MCM7: variants seen among roughly 807,000 people sequenced by gnomAD.
MCM7 encodes minichromosome maintenance complex component 7, also known as DNA replication licensing factor MCM7.
In MCM7, 95 loss-of-function variants were observed where a neutral mutation model predicts 83.5. The observed-to-expected ratio is 1.14, with a 90% CI of 0.96 to 1.35. The LOEUF is 1.35. Among genes scored for constraint, MCM7 ranks in the 40% most tolerant of loss-of-function variants. The pLI, the probability that MCM7 is intolerant of heterozygous loss-of-function variation, is 0.00. For synonymous variants in MCM7, 461 were observed against 352.7 expected (o/e 1.31, Z -3.44); for missense variants, 1,087 against 957.4 (o/e 1.14, Z -1.79).
intron 10 of MCM7, among the ~76,000 whole-genome samples, chr7:100,096,710 G>A (rs1339135703): frequency 1.3e-5 from 2 of 152,086 alleles, no homozygotes; most frequent in Non-Finnish European, 2.9e-5. Context: ...GGGAGGCAGA[G>A]GTTGCAGTGA....
intron 6 of MCM7, 131 bp from the exon 7 acceptor site, chr7:100,098,421 T>A: frequency 6.8e-7 from 1 of 1,478,812 alleles, no homozygotes; most frequent in Non-Finnish European, 9.2e-7. Flanking sequence ...TGCTGAGACC[T>A]CCTTTCCCCT....
In MCM7 at chr7:100,095,853, G is replaced by T. The variant is rs773516303; in HGVS notation, c.1516C>A (p.Gln506Lys). ...CGGGAGAGCAGTGCAGCAGGTAGCT[G>T]TATGTTCTGCTCCAGGCTGCGGCGA... ...NPRRSLEQNI[Q>K]LPAALLSRFD... is the part of the protein sequence containing the mutation. The change falls in exon 11 of 15, where the codon CAG (glutamine) becomes AAG (lysine). Residue 506 changes from glutamine to lysine, a missense_variant. Transcript: ENST00000303887. The T allele has an allele frequency of 1.2e-6, 2 of 1,612,844 alleles. No homozygotes were observed. The highest frequency in any genetic ancestry group is 8.5e-7 in the Non-Finnish European group (1 of 1,179,868).
chr7:100,101,363 T>C lies in MCM7; in HGVS notation c.-69A>G, dbSNP rs1301050437. 1 of 1,602,088 alleles carries C rather than the reference T, an allele frequency of 6.2e-7. No individual in the cohort carries two copies. Among genetic ancestry groups the C allele is most frequent in the South Asian group, 1.1e-5 (1 of 90,828 alleles). On this transcript the variant is annotated 5_prime_UTR_variant, in exon 1 of 15. Coordinates refer to ENST00000303887, the MANE Select transcript of MCM7 (RefSeq NM_005916.5). The stretch of plus-strand genomic sequence containing the variant: ...CTTGCTCCTGGGGAAGCTGAGAATC[T>C]CCGCGCGGTGGACTGTGGCCGGCCA...
chr7:100,100,545 T>C (rs1182890232), intron 1 of MCM7: 7 of 992,438 alleles, frequency 7.1e-6, no homozygotes, highest in Non-Finnish European at 7.2e-6. Flanking sequence ...AAGAAGCACA[T>C]GGGCCCGGAT....
chr7:100,093,913 T>C (rs1795469653), intron 13 of MCM7: 2 of 689,506 alleles, frequency 2.9e-6, no homozygotes, highest in South Asian at 2.9e-5. Flanking sequence ...ACACATGGAG[T>C]GAAACAGACC....
At position 100,100,113 on chromosome 7, in the gene MCM7, A is replaced by G; in HGVS notation, c.32-20T>C. 1.9e-6 allele frequency: 3 copies of G among 1,612,880 alleles called. No individual in the cohort carries two copies. The highest frequency in any genetic ancestry group is 2.5e-6 in the Non-Finnish European group (3 of 1,179,294). On this transcript the variant is annotated intron_variant, in intron 1 of 14. Coordinates refer to ENST00000303887, the MANE Select transcript of MCM7 (RefSeq NM_005916.5). ...CCTTTTCTGTAACATGAAATGTAAA[A>G]CCGTAAGACACAAACTTTAAGACAA...
chr7:100,093,729 G>GT, intron 13 of MCM7: 1 of 645,512 alleles, frequency 1.5e-6, no homozygotes, highest in Non-Finnish European at 3.0e-6. Context: ...GGAGCTTGGG[G>GT]AGCTCAGCCA....
At chr7:100,097,184 C>CA in intron 10 of MCM7, 117 bp downstream of exon 10, 2 of 840,540 alleles carry the variant, frequency 2.4e-6, no homozygotes, top group South Asian at 3.2e-5. Context: ...TCTCCTGCCT[C>CA]AGCCTCTCAG....
At chr7:100,097,159 C>G in intron 10 of MCM7, 142 bp downstream of exon 10, 1 of 726,592 alleles carries the variant, frequency 1.4e-6, no homozygotes, top group Non-Finnish European at 2.3e-6. Flanking sequence ...TCTCAAAATC[C>G]TCGCCTCAAA....
At chr7:100,098,846 G>T in intron 5 of MCM7, 131 bp from the exon 6 acceptor site, 2 of 1,392,584 alleles carry the variant, frequency 1.4e-6, no homozygotes, top group Non-Finnish European at 2.0e-6. Flanking sequence ...AACTTACTCT[G>T]GGTCAACAAC....
In MCM7 at chr7:100,100,023, C is replaced by A. The variant is rs372340913; in HGVS notation, c.102G>T (p.Gly34=). Residue 34 remains glycine (G), a synonymous_variant, in exon 2 of 15, where the codon GGG becomes GGT. Coordinates refer to ENST00000303887, the MANE Select transcript of MCM7 (RefSeq NM_005916.5). The stretch of plus-strand genomic sequence containing the variant: ...CCAATCTTAGACTTACCAACTGGTT[C>A]CCATACTTGAACTGCTTCTTCCCGA... ...DELGKKQFKY[G]NQLVRLAHRE... is the part of the protein sequence containing the mutation. 6.2e-7 allele frequency: 1 copy of A among 1,614,002 alleles called. No homozygotes were observed. The highest frequency in any genetic ancestry group is 1.7e-5 in the Admixed American group (1 of 60,026).
rs767634639 is a variant in MCM7, at chr7:100,101,306, G to T, written c.-12C>A. The T allele has an allele frequency of 8.7e-6, 14 of 1,613,166 alleles. 1 individual carries two copies. In the South Asian group the frequency reaches 1.5e-4, roughly 18 times the overall value. Reference sequence around the variant, plus strand: ...TCCTTCAGTGCCATCGCTGCCGAGGGCCGTGCGGCCGCGCTTGGCGGGCTC... The same window carrying T: ...TCCTTCAGTGCCATCGCTGCCGAGGTCCGTGCGGCCGCGCTTGGCGGGCTC... On this transcript the variant is annotated 5_prime_UTR_variant, in exon 1 of 15. Coordinates refer to ENST00000303887, the MANE Select transcript of MCM7 (RefSeq NM_005916.5).
At position 100,093,825 on chromosome 7, in the gene MCM7, G is replaced by A. The variant is rs779705683; in HGVS notation, c.1848+348C>T. The A allele has an allele frequency of 3.0e-5, 19 of 628,776 alleles. No homozygotes were observed. The East Asian group carries it at 3.6e-4, about 12-fold the overall frequency. The allele number at this position is 628,776 out of a possible 1,614,324, so 38.9% of individuals were successfully genotyped here. A position where few individuals can be genotyped will look rare whatever the true frequency, so the allele number is the denominator to read the frequency against. On this transcript the variant is annotated intron_variant, in intron 13 of 14. Transcript: ENST00000303887. The stretch of plus-strand genomic sequence containing the variant: ...GGTTGGGTAATCACACTACCTGCAC[G>A]AACAGCACTTTGGAGCCCCCAGGAC...
rs535632318 is a variant in MCM7 at position 100,096,150 on chromosome 7, G to C, written c.1219C>G (p.Arg407Gly). 1 of 1,606,366 alleles carries C rather than the reference G, an allele frequency of 6.2e-7. No individual in the cohort carries two copies. The highest frequency in any genetic ancestry group is 1.1e-5 in the South Asian group (1 of 90,170). ...GTAAGCCCCACTCCTGAGGAGCCCC[G>C]GCCTGTTGTGTACTGGCCTGGAAGA... The part of the protein sequence containing the change: ...LAPRSQYTTG[R>G]GSSGVGLTAA... The change falls in exon 11 of 15, where the codon CGG (arginine) becomes GGG (glycine). Residue 407 changes from arginine (R) to glycine (G), a missense_variant. Coordinates refer to ENST00000303887, the MANE Select transcript of MCM7 (RefSeq NM_005916.5).
intron 11 of MCM7, 104 bp from the exon 12 acceptor site, chr7:100,095,574 G>A (rs1795583520): frequency 2.3e-6 from 3 of 1,319,216 alleles, no homozygotes; most frequent in South Asian, 1.4e-5. Flanking sequence ...CAGTGTAGGA[G>A]GGACAAGCTT....
At position 100,098,176 on chromosome 7, in the gene MCM7, G is replaced by A; in HGVS notation, c.835C>T (p.Pro279Ser). The part of the protein sequence containing the change: ...DHVSVTGIFL[P>S]ILRTGFRQVV... ...TGTCGGAACCCAGTGCGCAGGATTG[G>A]CAAGAAAATACCAGTGACGCTGACG... The change falls in exon 7 of 15, where the codon CCA (proline) becomes TCA (serine). Residue 279 changes from proline to serine, a missense_variant. Coordinates refer to ENST00000303887, the MANE Select transcript of MCM7 (RefSeq NM_005916.5). The A allele has an allele frequency of 6.2e-7, 1 of 1,614,098 alleles. No homozygotes were observed. Among genetic ancestry groups the A allele is most frequent in the South Asian group, 1.1e-5 (1 of 91,076 alleles).
chr7:100,096,645 C>A (rs767567627), intron 10 of MCM7, among the ~76,000 whole-genome samples: 1 of 151,718 alleles, frequency 6.6e-6, no homozygotes, highest in Non-Finnish European at 1.5e-5. Flanking sequence ...TGTGGTGGCA[C>A]GCGCCTGTAG....
At chr7:100,093,878 G>A in intron 13 of MCM7, 1 of 662,980 alleles carries the variant, frequency 1.5e-6, no homozygotes, top group Non-Finnish European at 2.9e-6. Context: ...GGACAGAAAG[G>A]AAGGTCTGTA....
At position 100,099,214 on chromosome 7, in the gene MCM7, A is replaced by AC. The variant is rs1479543958; in HGVS notation, c.402-12_402-11insG. 4 of 1,613,870 alleles carry AC rather than the reference A, an allele frequency of 2.5e-6. No individual in the cohort carries two copies. Among genetic ancestry groups the AC allele is most frequent in the African/African-American group, 2.7e-5 (2 of 74,874 alleles). ...TGAAAATACAGCTCACTAAGGGGAG[A>AC]AAACAGTCACAAACAAGATCCTGGA... On this transcript the variant is annotated splice_polypyrimidine_tract_variant and intron_variant, in intron 4 of 14. Coordinates refer to ENST00000303887, the MANE Select transcript of MCM7 (RefSeq NM_005916.5).
Sources: allele counts gnomAD v4.1 joint callset (sites outside exome capture counted in the v4.1 genomes callset), GRCh38; gene constraint gnomAD v4.1.1; transcripts MANE v1.5; gene names NCBI Gene and HGNC (gene_info 2026-07-23, HGNC 2026-07-21).